The following ST8SIA6 variants were observed in gnomAD, a reference collection of about 807,000 sequenced individuals.
ST8SIA6 encodes alpha-2,8-sialyltransferase 8F.
A neutral mutation model predicts 33.6 loss-of-function variants in ST8SIA6; 39 were observed. The observed-to-expected ratio is 1.16, with a 90% CI of 0.90 to 1.52. The LOEUF is 1.52. Among genes scored for constraint, ST8SIA6 ranks in the 40% most tolerant of loss-of-function variants. ST8SIA6 has a pLI of 0.00. For missense variants in ST8SIA6, 441 were observed against 443.8 expected (o/e 0.99, Z 0.06); for synonymous variants, 172 against 167.2 (o/e 1.03, Z -0.22).
intron 7 of ST8SIA6, among the ~76,000 whole-genome samples, chr10:17,322,228 AAGAAAAAGAAAG>A (rs946431346): frequency 4.6e-5 from 6 of 130,322 alleles, no homozygotes; most frequent in Admixed American, 7.4e-5. Flanking sequence ...AAAAGAAAGA[AAGAAAAAGAAAG>A]AGAAAAAGAA....
chr10:17,374,769 T>TATATATATATATATATATACACA (rs1564429132), intron 3 of ST8SIA6, among the ~76,000 whole-genome samples: 1 of 115,498 alleles, frequency 8.7e-6, no homozygotes, highest in African/African-American at 3.4e-5. Context: ...ATATATATAT[T>TATATATATATATATATATACACA]TAGCTCAACT....
intron 3 of ST8SIA6, 35 bp downstream of exon 3, chr10:17,390,496 G>A: frequency 6.5e-7 from 1 of 1,530,282 alleles, no homozygotes; most frequent in Non-Finnish European, 9.0e-7. Context: ...AACCCTTGTT[G>A]TAAAAGGAAA....
At chr10:17,345,582 G>C (rs561558585) in intron 4 of ST8SIA6, among the ~76,000 whole-genome samples, 1 of 149,974 alleles carries the variant, frequency 6.7e-6, no homozygotes, top group African/African-American at 2.5e-5. Flanking sequence ...GAGAGAGAGA[G>C]CATAGAATGT....
intron 4 of ST8SIA6, among the ~76,000 whole-genome samples, chr10:17,339,422 C>G (rs1848604694): frequency 6.6e-6 from 1 of 152,118 alleles, no homozygotes; most frequent in African/African-American, 2.4e-5. Context: ...TAAAGAGCTA[C>G]CTTTCCAGAA....
intron 2 of ST8SIA6, among the ~76,000 whole-genome samples, chr10:17,408,940 C>CTTTTTTTTT (rs112533742): frequency 7.2e-6 from 1 of 138,366 alleles, no homozygotes; most frequent in African/African-American, 2.6e-5. Context: ...TTCTTTCTTT[C>CTTTTTTTTT]TTTTTTTTTT....
At chr10:17,404,523 A>C (rs981954159) in intron 2 of ST8SIA6, among the ~76,000 whole-genome samples, 18 of 152,246 alleles carry the variant, frequency 1.2e-4, no homozygotes, top group African/African-American at 4.1e-4. Flanking sequence ...ATCTTAGCAA[A>C]GATGTTACTA....
At chr10:17,439,303 G>A (rs1363785461) in intron 2 of ST8SIA6, among the ~76,000 whole-genome samples, 4 of 145,190 alleles carry the variant, frequency 2.8e-5, no homozygotes, top group Middle Eastern at 7.2e-3. Flanking sequence ...AGTTGGGGAT[G>A]GAGCCTCTCT....
intron 2 of ST8SIA6, among the ~76,000 whole-genome samples, chr10:17,420,431 TAAATA>T (rs934345925): frequency 1.3e-4 from 20 of 152,038 alleles, no homozygotes; most frequent in Middle Eastern, 3.4e-3. Flanking sequence ...TAAATAAAAA[TAAATA>T]AAATAAAATA....
At chr10:17,452,768 C>G (rs1453211149) in intron 2 of ST8SIA6, among the ~76,000 whole-genome samples, 1 of 152,044 alleles carries the variant, frequency 6.6e-6, no homozygotes, top group Non-Finnish European at 1.5e-5. Context: ...ATGCAACAAT[C>G]CAAAGCAATG....
chr10:17,368,060 G>A (rs1849609885), intron 3 of ST8SIA6, among the ~76,000 whole-genome samples: 1 of 151,644 alleles, frequency 6.6e-6, no homozygotes, highest in Non-Finnish European at 1.5e-5. Context: ...CTATGCATGA[G>A]ACACTGTTCT....
intron 2 of ST8SIA6, among the ~76,000 whole-genome samples, chr10:17,445,871 G>A (rs1196607832): frequency 2.0e-5 from 3 of 152,082 alleles, no homozygotes; most frequent in South Asian, 2.1e-4. Context: ...CATTTGTCAC[G>A]TACCATTCCT....
chr10:17,362,288 T>C (rs1396195800), intron 3 of ST8SIA6, among the ~76,000 whole-genome samples: 1 of 152,198 alleles, frequency 6.6e-6, no homozygotes, highest in Non-Finnish European at 1.5e-5. Flanking sequence ...ACTTGACAAA[T>C]TATACACTTA....
At position 17,318,213 on chromosome 10, in the gene ST8SIA6, T is replaced by C. The variant is rs1208924919; in HGVS notation, c.*2665A>G. On this transcript the variant is annotated 3_prime_UTR_variant, in exon 8 of 8. Transcript: ENST00000377602. ...TGAGCTAGAATCCTAACTAAAGGGC[T>C]ACTTTTTTTTTTTCTTTTTTGAGAC... 6.6e-6 allele frequency among the ~76,000 whole-genome samples: 1 copy of C among 150,472 alleles called. No homozygotes were observed. The highest frequency in any genetic ancestry group is 2.5e-5 in the African/African-American group (1 of 39,996).
chr10:17,416,491 T>C (rs913958094), intron 2 of ST8SIA6, among the ~76,000 whole-genome samples: 1 of 152,250 alleles, frequency 6.6e-6, no homozygotes, highest in African/African-American at 2.4e-5. Flanking sequence ...TTGTCAAATG[T>C]AGCATATCCA....
At position 17,358,258 on chromosome 10, in the gene ST8SIA6, A is replaced by G. The variant is rs17140761; in HGVS notation, c.377+1256T>C. 8.7e-3 allele frequency among the ~76,000 whole-genome samples: 1,325 copies of G among 152,218 alleles called. 4 individuals are homozygous for G. Among genetic ancestry groups the G allele is most frequent in the Middle Eastern group, 0.024 (7 of 294 alleles). On this transcript the variant is annotated intron_variant, in intron 4 of 7. Coordinates refer to ENST00000377602, the MANE Select transcript of ST8SIA6 (RefSeq NM_001004470.3). The stretch of plus-strand genomic sequence containing the variant: ...GGAGCAGAACCCTCCTCACATTGGT[A>G]GCAGAATCAAAGGCAGTTGGTCCAA...
intron 2 of ST8SIA6, among the ~76,000 whole-genome samples, chr10:17,434,904 G>A (rs938671578): frequency 3.9e-5 from 6 of 152,270 alleles, no homozygotes; most frequent in African/African-American, 9.6e-5. Context: ...ACCAGCTTCC[G>A]CCTTTAAGGC....
chr10:17,333,707 ATATATATATATTTTTTT>A (rs1312258189), intron 4 of ST8SIA6, among the ~76,000 whole-genome samples: 11 of 26,724 alleles, frequency 4.1e-4, no homozygotes, highest in Non-Finnish European at 6.8e-4. Flanking sequence ...ATATATATAT[ATATATATATATTTTTTT>A]TTTTTTTTTT....
At chr10:17,353,985 A>G (rs1588829476) in intron 4 of ST8SIA6, among the ~76,000 whole-genome samples, 1 of 152,316 alleles carries the variant, frequency 6.6e-6, no homozygotes, top group South Asian at 2.1e-4. Flanking sequence ...CTGTGTACCT[A>G]TTAGTTTTCT....
At chr10:17,428,386 T>C (rs989025820) in intron 2 of ST8SIA6, among the ~76,000 whole-genome samples, 4 of 152,182 alleles carry the variant, frequency 2.6e-5, no homozygotes, top group Admixed American at 2.0e-4. Flanking sequence ...AAATGCTTAT[T>C]TTTATTTGAT....
Sources: allele counts gnomAD v4.1 joint callset (sites outside exome capture counted in the v4.1 genomes callset), GRCh38; gene constraint gnomAD v4.1.1; transcripts MANE v1.5; gene names NCBI Gene and HGNC (gene_info 2026-07-23, HGNC 2026-07-21).